The following MAP3K7CL variants were observed in gnomAD, a reference collection of about 807,000 sequenced individuals.
MAP3K7CL encodes the protein MAP3K7 C-terminal-like protein.
Under a neutral mutation model 18.6 loss-of-function variants are expected in MAP3K7CL, and 16 were observed. The observed-to-expected ratio is 0.86, with a 90% confidence interval of 0.58 to 1.31. The LOEUF is 1.31. Among genes scored for constraint, MAP3K7CL ranks in the 50% most tolerant of loss-of-function variants. The pLI, the probability that MAP3K7CL is intolerant of heterozygous loss-of-function variation, is 0.00. For synonymous variants in MAP3K7CL, 65 were observed against 66.8 expected (o/e 0.97, Z 0.13); for missense variants, 163 against 174.4 (o/e 0.93, Z 0.37).
intron 1 of MAP3K7CL, among the ~76,000 whole-genome samples, chr21:29,132,440 G>T (rs2146624877): frequency 6.6e-6 from 1 of 152,262 alleles, no homozygotes; most frequent in East Asian, 1.9e-4. Flanking sequence ...CTTACAGGTA[G>T]TTAATCAGAT....
intron 1 of MAP3K7CL, among the ~76,000 whole-genome samples, chr21:29,090,526 A>G (rs1164850637): frequency 1.3e-5 from 2 of 151,728 alleles, no homozygotes; most frequent in Admixed American, 6.6e-5. Flanking sequence ...GACTACAGGC[A>G]CCCCTACCAT....
chr21:29,170,552 C>T (rs913719676), intron 4 of MAP3K7CL, among the ~76,000 whole-genome samples: 2 of 152,040 alleles, frequency 1.3e-5, no homozygotes, highest in Non-Finnish European at 2.9e-5. Context: ...TTATATGACA[C>T]AAGTAATTTG....
chr21:29,158,012 G>T (rs2087449286), intron 3 of MAP3K7CL, among the ~76,000 whole-genome samples: 1 of 152,228 alleles, frequency 6.6e-6, no homozygotes, highest in South Asian at 2.1e-4. Context: ...CACGTACTGA[G>T]CTCTTGTTTC....
intron 3 of MAP3K7CL, among the ~76,000 whole-genome samples, chr21:29,155,897 T>G (rs752925663): frequency 2.0e-5 from 3 of 152,184 alleles, no homozygotes; most frequent in Non-Finnish European, 4.4e-5. Context: ...TTTCACCTCC[T>G]AAGAACTGGC....
At chr21:29,165,919 A>C (rs1396305315) in intron 4 of MAP3K7CL, among the ~76,000 whole-genome samples, 1 of 152,192 alleles carries the variant, frequency 6.6e-6, no homozygotes. Context: ...GGTCTAGTGT[A>C]ATGTTTTCAT....
chr21:29,107,136 T>C (rs1304888094), intron 4 of MAP3K7CL, among the ~76,000 whole-genome samples: 1 of 152,012 alleles, frequency 6.6e-6, no homozygotes, highest in East Asian at 1.9e-4. Context: ...GCCAAGATGG[T>C]GAATCCCCGT....
chr21:29,154,025 T>C (rs1175242251), intron 3 of MAP3K7CL, among the ~76,000 whole-genome samples: 2 of 152,210 alleles, frequency 1.3e-5, no homozygotes, highest in African/African-American at 4.8e-5. Flanking sequence ...GCATGGGCAT[T>C]AGCATTGGGT....
chr21:29,170,228 T>G (rs1366228591), intron 4 of MAP3K7CL, among the ~76,000 whole-genome samples: 1 of 152,244 alleles, frequency 6.6e-6, no homozygotes, highest in Non-Finnish European at 1.5e-5. Context: ...TTTCATTGGA[T>G]GTCTGTATAA....
At chr21:29,155,909 G>A (rs1601254199) in intron 3 of MAP3K7CL, among the ~76,000 whole-genome samples, 1 of 152,190 alleles carries the variant, frequency 6.6e-6, no homozygotes, top group Non-Finnish European at 1.5e-5. Flanking sequence ...AGAACTGGCT[G>A]CGTTGTATAG....
intron 4 of MAP3K7CL, among the ~76,000 whole-genome samples, chr21:29,161,168 G>A (rs575785592): frequency 2.2e-4 from 33 of 152,214 alleles, no homozygotes; most frequent in Middle Eastern, 6.8e-3. Flanking sequence ...AAATTAGCCG[G>A]GTGTGGTGGC....
rs149350858 is a variant in MAP3K7CL at position 29,088,568 on chromosome 21, C to T, written c.57+2651C>T. Among the ~76,000 whole-genome samples, 106 of 152,276 alleles carry T rather than the reference C, an allele frequency of 7.0e-4. 1 individual carries two copies. The highest frequency in any genetic ancestry group is 1.8e-3 in the Admixed American group (28 of 15,308). ...AAGGAATTAAATTGGTCTTAAATTA[C>T]GCTGTGAATAATAAAAATGCTAATA... On this transcript the variant is annotated intron_variant, in intron 1 of 6. Transcript: ENST00000286791.
chr21:29,078,320 A>G (rs2085782173), intron 1 of MAP3K7CL, among the ~76,000 whole-genome samples: 2 of 152,108 alleles, frequency 1.3e-5, no homozygotes, highest in African/African-American at 2.4e-5. Context: ...AAATCTTTTA[A>G]TATTCCTTTA....
intron 4 of MAP3K7CL, chr21:29,102,475 CTCTTTTTTTTTTT>C (rs1372464932): frequency 8.3e-6 from 1 of 121,132 alleles, no homozygotes; most frequent in Non-Finnish European, 1.6e-5. Context: ...CTCTCTCTCT[CTCTTTTTTTTTTT>C]TTTTTTTTTT....
At chr21:29,126,644 A>C (rs1171422909), upstream of MAP3K7CL, among the ~76,000 whole-genome samples, 1 of 152,100 alleles carries the variant, frequency 6.6e-6, no homozygotes, top group Non-Finnish European at 1.5e-5. Flanking sequence ...TTTTTAGTAG[A>C]GACGGGGTCT....
intron 4 of MAP3K7CL, among the ~76,000 whole-genome samples, chr21:29,160,332 C>T (rs186858106): frequency 6.6e-6 from 1 of 152,310 alleles, no homozygotes; most frequent in African/African-American, 2.4e-5. Flanking sequence ...CTATGTTTTC[C>T]GTAAATGTGC....
At chr21:29,142,293 T>C (rs903718075) in intron 2 of MAP3K7CL, among the ~76,000 whole-genome samples, 3 of 152,192 alleles carry the variant, frequency 2.0e-5, no homozygotes, top group Non-Finnish European at 4.4e-5. Flanking sequence ...TCTCAAACTC[T>C]TGAACTGAAG....
chr21:29,141,253 C>T (rs935523117), intron 2 of MAP3K7CL, among the ~76,000 whole-genome samples: 5 of 152,146 alleles, frequency 3.3e-5, no homozygotes, highest in South Asian at 2.1e-4. Context: ...CAGTGGCTCA[C>T]GCCTGTAATC....
intron 4 of MAP3K7CL, chr21:29,092,615 G>T: frequency 6.2e-7 from 1 of 1,610,540 alleles, no homozygotes; most frequent in Non-Finnish European, 8.5e-7. Flanking sequence ...GAAGTCTCAG[G>T]TTCTGAAGGC....
intron 1 of MAP3K7CL, among the ~76,000 whole-genome samples, chr21:29,088,179 T>C (rs938577139): frequency 1.3e-5 from 2 of 152,222 alleles, no homozygotes; most frequent in African/African-American, 2.4e-5. Flanking sequence ...CTGATCAAGA[T>C]AGATGCTTTT....
Sources: allele counts gnomAD v4.1 joint callset (sites outside exome capture counted in the v4.1 genomes callset), GRCh38; gene constraint gnomAD v4.1.1; transcripts MANE v1.5; gene names NCBI Gene and HGNC (gene_info 2026-07-23, HGNC 2026-07-21).